The following GSG1L variants were observed in gnomAD, a reference collection of about 807,000 sequenced individuals.
GSG1L encodes GSG1 like, also known as germ cell-specific gene 1-like protein.
GSG1L carries 24 observed loss-of-function variants against 42.1 expected under a neutral mutation model. The observed-to-expected ratio is 0.57, with a 90% CI of 0.41 to 0.80. The LOEUF (loss-of-function observed/expected upper bound fraction) is 0.80, where lower values mean the gene tolerates loss of function less well. GSG1L is among the 30% of genes least tolerant of loss of function. GSG1L has a pLI of 0.00. For synonymous variants in GSG1L, 215 were observed against 203.5 expected (o/e 1.06, Z -0.48); for missense variants, 445 against 472.2 (o/e 0.94, Z 0.53).
chr16:27,910,753 C>T (rs2084377508), intron 2 of GSG1L, among the ~76,000 whole-genome samples: 2 of 152,212 alleles, frequency 1.3e-5, no homozygotes, highest in South Asian at 2.1e-4. Flanking sequence ...GTGGCTCTCA[C>T]CTGTAACGCC....
intron 3 of GSG1L, among the ~76,000 whole-genome samples, chr16:27,851,899 G>A (rs2083518944): frequency 6.6e-6 from 1 of 152,164 alleles, no homozygotes; most frequent in South Asian, 2.1e-4. Flanking sequence ...GGTGGGGGTG[G>A]ACCAGAGCCC....
rs1294596403 is a variant in GSG1L at position 27,857,825 on chromosome 16, A to G, written c.551-12764T>C. Among the ~76,000 whole-genome samples, 4 of 151,218 alleles carry G rather than the reference A, an allele frequency of 2.6e-5. No individual in the cohort carries two copies. In the East Asian group the frequency reaches 7.9e-4, roughly 30 times the overall value. ...ACGTCCAGTTAAATGTCTCCAAGTG[A>G]CAAGCAGGAATAGTCACTGTATTCA... On this transcript the variant is annotated intron_variant, in intron 3 of 6. Transcript: ENST00000447459.
intron 3 of GSG1L, among the ~76,000 whole-genome samples, chr16:27,866,657 C>T (rs56366639): frequency 0.017 from 2,560 of 152,186 alleles, 69 homozygotes; most frequent in African/African-American, 0.058. Context: ...CTTCAACCTC[C>T]GCCCCCCAGG....
intron 1 of GSG1L, among the ~76,000 whole-genome samples, chr16:28,019,271 C>T (rs2085812983): frequency 6.6e-6 from 1 of 152,170 alleles, no homozygotes. Flanking sequence ...CCCACCAAAA[C>T]CAAGATGGCC....
At chr16:27,794,183 T>A (rs2082791009) in intron 6 of GSG1L, among the ~76,000 whole-genome samples, 1 of 152,052 alleles carries the variant, frequency 6.6e-6, no homozygotes. Flanking sequence ...CCTGGCTAAT[T>A]ATTTATTTAT....
At chr16:27,938,714 G>T (rs1391043799) in intron 2 of GSG1L, among the ~76,000 whole-genome samples, 2 of 152,228 alleles carry the variant, frequency 1.3e-5, no homozygotes, top group African/African-American at 2.4e-5. Context: ...AGAGTAAGAA[G>T]GTGAGGATGG....
chr16:27,915,234 CA>C (rs1477050001), intron 2 of GSG1L, among the ~76,000 whole-genome samples: 10 of 148,382 alleles, frequency 6.7e-5, no homozygotes, highest in East Asian at 5.8e-4. Context: ...CACACACACA[CA>C]CACACCCTGT....
chr16:27,889,019 C>G (rs2084092083), intron 2 of GSG1L, among the ~76,000 whole-genome samples: 1 of 149,478 alleles, frequency 6.7e-6, no homozygotes, highest in Non-Finnish European at 1.5e-5. Context: ...GGATCTTGCT[C>G]TTTGTCCAGG....
At chr16:27,819,020 C>A (rs912037774) in intron 5 of GSG1L, among the ~76,000 whole-genome samples, 1 of 152,064 alleles carries the variant, frequency 6.6e-6, no homozygotes, top group Non-Finnish European at 1.5e-5. Flanking sequence ...GAGGCCGAGG[C>A]GAGTGGATCA....
chr16:27,989,738 TA>T (rs57397630), intron 1 of GSG1L, among the ~76,000 whole-genome samples: 11 of 140,288 alleles, frequency 7.8e-5, no homozygotes, highest in Non-Finnish European at 6.1e-5. Flanking sequence ...AGACTCAGTC[TA>T]AAAAAAAAAA....
chr16:27,937,565 T>A lies in GSG1L; in HGVS notation c.397+25591A>T, dbSNP rs139075898. Among the ~76,000 whole-genome samples the A allele has an allele frequency of 9.9e-5, 15 of 152,268 alleles. No individual in the cohort carries two copies. The East Asian group carries it at 2.9e-3, about 29-fold the overall frequency. The stretch of plus-strand genomic sequence containing the variant: ...CCCCTTCTGCCCTCTCGAAGGACCA[T>A]CTCCCTTGCTGACAGGGCATCTGCC... On this transcript the variant is annotated intron_variant, in intron 2 of 6. Transcript: ENST00000447459.
chr16:28,057,022 G>T (rs1241150310), intron 1 of GSG1L, among the ~76,000 whole-genome samples: 6 of 152,096 alleles, frequency 3.9e-5, no homozygotes, highest in Admixed American at 3.9e-4. Flanking sequence ...AAGTACAAAA[G>T]CCTCGGCCTG....
At chr16:27,840,877 G>A (rs2083373211) in intron 4 of GSG1L, among the ~76,000 whole-genome samples, 1 of 152,112 alleles carries the variant, frequency 6.6e-6, no homozygotes, top group Admixed American at 6.5e-5. Flanking sequence ...CCAGTGTCAT[G>A]AGGTGCCACC....
intron 5 of GSG1L, among the ~76,000 whole-genome samples, chr16:27,821,297 T>C (rs2083148371): frequency 6.6e-6 from 1 of 152,170 alleles, no homozygotes; most frequent in African/African-American, 2.4e-5. Flanking sequence ...TTGTATTTTT[T>C]TTTTTAGATT....
In GSG1L at chr16:27,828,866, C is replaced by T. The variant is rs970706487; in HGVS notation, c.753G>A (p.Lys251=). Reference sequence around the variant, plus strand: ...GGTAGCCCTGCTCAAAGACCTTGCGCTTGTGCCGGAACTCAATGACCGTCT... The same window carrying T: ...GGTAGCCCTGCTCAAAGACCTTGCGTTTGTGCCGGAACTCAATGACCGTCT... The part of the protein sequence containing the change: ...YTKTVIEFRH[K]RKVFEQGYRE... Residue 251 remains lysine (K), a synonymous_variant, in exon 5 of 7, where the codon AAG becomes AAA. Coordinates refer to ENST00000447459, the MANE Select transcript of GSG1L (RefSeq NM_001109763.2). 6.2e-7 allele frequency: 1 copy of T among 1,614,210 alleles called. No homozygotes were observed.
chr16:27,888,745 G>A (rs2084085862), intron 2 of GSG1L, among the ~76,000 whole-genome samples: 1 of 151,556 alleles, frequency 6.6e-6, no homozygotes, highest in Non-Finnish European at 1.5e-5. Flanking sequence ...AGCCTCCCGA[G>A]TAGCTGGGAT....
At chr16:28,056,887 C>T (rs79549880) in intron 1 of GSG1L, among the ~76,000 whole-genome samples, 2,651 of 152,142 alleles carry the variant, frequency 0.017, 74 homozygotes, top group African/African-American at 0.057. Flanking sequence ...AGGGGAGTGC[C>T]GGCGGGCAGC....
chr16:27,796,014 A>T (rs758930709), intron 6 of GSG1L, among the ~76,000 whole-genome samples: 2 of 152,200 alleles, frequency 1.3e-5, no homozygotes, highest in African/African-American at 2.4e-5. Context: ...AAATGTACAG[A>T]TCGGGAAACT....
intron 5 of GSG1L, among the ~76,000 whole-genome samples, chr16:27,827,841 T>C (rs1011829201): frequency 1.1e-4 from 16 of 150,548 alleles, no homozygotes; most frequent in Admixed American, 1.3e-4. Flanking sequence ...CATCTACCCA[T>C]CCACCCACTC....
Sources: gnomAD v4.1 joint callset for allele counts (sites outside exome capture counted in the v4.1 genomes callset) on GRCh38, gnomAD v4.1.1 for gene constraint, MANE v1.5 for transcripts, NCBI Gene and HGNC (gene_info 2026-07-23, HGNC 2026-07-21) for gene names.